Variants in CPNE3 observed in about 807,000 individuals in gnomAD.
CPNE3 encodes the protein copine 3.
In CPNE3, 68 loss-of-function variants were observed where a neutral mutation model predicts 63.9. The observed-to-expected ratio is 1.06, with a 90% CI of 0.87 to 1.30. CPNE3 has a LOEUF of 1.30. CPNE3 is among the 50% of genes most tolerant of loss of function. The pLI is 0.00. For synonymous variants in CPNE3, 219 were observed against 197.5 expected, an observed-to-expected ratio of 1.11 and a Z score of -0.91; for missense variants, 665 against 578.1, an observed-to-expected ratio of 1.15 and a Z score of -1.54.
intron 6 of CPNE3, among the ~76,000 whole-genome samples, chr8:86,533,351 T>C (rs1424503363): frequency 6.6e-6 from 1 of 152,082 alleles, no homozygotes; most frequent in Non-Finnish European, 1.5e-5. Context: ...GAGACCAGCC[T>C]GGGCAACATG....
Position 86,529,016 on chromosome 8 carries a change from C to A in CPNE3, c.204C>A (p.Tyr68Ter), listed in dbSNP as rs753484968. The A allele has an allele frequency of 6.2e-7, 1 of 1,613,536 alleles. No homozygotes were observed. The highest frequency in any genetic ancestry group is 8.5e-7 in the Non-Finnish European group (1 of 1,179,648). Residue 68 changes from tyrosine (Y) to a stop codon, truncating the protein, a stop_gained, in exon 4 of 17, where the codon TAC (tyrosine) becomes TAA (stop). Coordinates refer to ENST00000517490, the MANE Select transcript of CPNE3 (RefSeq NM_003909.5). LOFTEE classifies it high-confidence loss of function. ...CCAAGACATTTATTATTGATTACTA[C>A]TTTGAAGTGGTTCAGAAATTGAAAT... ...QFSKTFIIDYYFEVVQKLKFG... is the reference protein window; with the variant it reads ...QFSKTFIIDY
chr8:86,554,520 C>G (rs1265483620), intron 14 of CPNE3, among the ~76,000 whole-genome samples: 2 of 152,060 alleles, frequency 1.3e-5, no homozygotes, highest in Admixed American at 6.5e-5. Context: ...GATGTGAAAC[C>G]TTTTTCATGG....
chr8:86,547,730 TC>T lies in CPNE3; in HGVS notation c.841del (p.Asp282ThrfsTer3). 7.5e-7 allele frequency: 1 copy of T among 1,341,592 alleles called. No individual in the cohort carries two copies. Among genetic ancestry groups the T allele is most frequent in the Non-Finnish European group, 1.1e-6 (1 of 935,806 alleles). The allele number at this position is 1,341,592 out of a possible 1,614,324, so 83.1% of individuals were successfully genotyped here. A position where few individuals can be genotyped will look rare whatever the true frequency, so the allele number is the denominator to read the frequency against. On this transcript the variant is annotated frameshift_variant, in exon 11 of 17. Coordinates refer to ENST00000517490, the MANE Select transcript of CPNE3 (RefSeq NM_003909.5). LOFTEE classifies it high-confidence loss of function. ...TTTTAGATTACAGTAGAATGCACATTCCTTGACTATATAATGGGAGGATGTC... is the reference window on the plus strand; with the variant it reads ...TTTTAGATTACAGTAGAATGCACATTCTTGACTATATAATGGGAGGATGTC... ...KQCEITVECTFLDYIMGGCQL... is the reference protein window; with the variant it reads ...KQCEITVECTXLDYIMGGCQL...
intron 7 of CPNE3, among the ~76,000 whole-genome samples, chr8:86,539,660 G>GTTTTTTTTTTTTTTTTTTTTTTTT (rs369540210): frequency 1.8e-5 from 2 of 108,152 alleles, no homozygotes. Flanking sequence ...ATCCTCCGCA[G>GTTTTTTTTTTTTTTTTTTTTTTTT]TTTTTTTTTT....
chr8:86,551,439 C>T (rs997426), intron 14 of CPNE3: 15,668 of 532,712 alleles, frequency 0.029, 1,269 homozygotes, highest in African/African-American at 0.21. Context: ...ATGGTAATTA[C>T]GGGGCAAATC....
Position 86,560,673 on chromosome 8 carries a change from A to C in CPNE3, c.*2263A>C, listed in dbSNP as rs1467075482. The C allele has an allele frequency of 6.6e-6, 1 of 152,236 alleles. No individual in the cohort carries two copies. The highest frequency in any genetic ancestry group is 1.5e-5 in the Non-Finnish European group (1 of 68,038). 9.4% of individuals were successfully genotyped at this position (152,236 alleles called of 1,614,324 possible). A position where few individuals can be genotyped will look rare whatever the true frequency, so the allele number is the denominator to read the frequency against. On this transcript the variant is annotated 3_prime_UTR_variant, in exon 17 of 17. Transcript: ENST00000517490. ...TATTCATAAGAACTGTGATTCCAGCAAACTAGGGTAATTGGTGCCTTTTTA... is the reference window on the plus strand; with the variant it reads ...TATTCATAAGAACTGTGATTCCAGCCAACTAGGGTAATTGGTGCCTTTTTA...
At position 86,556,133 on chromosome 8, in the gene CPNE3, G is replaced by A; in HGVS notation, c.1286G>A (p.Gly429Asp). 1.1e-6 allele frequency: 1 copy of A among 872,970 alleles called. No homozygotes were observed. The highest frequency in any genetic ancestry group is 2.0e-6 in the Non-Finnish European group (1 of 501,670). The allele number at this position is 872,970 out of a possible 1,614,324, so 54.1% of individuals were successfully genotyped here. A position where few individuals can be genotyped will look rare whatever the true frequency, so the allele number is the denominator to read the frequency against. ...TTTGTGCTTTTGATTATTACTGATG[G>A]TGTGATCACAGACCTTGATGAAACC... ...QYFVLLIITD[G>D]VITDLDETRQ... The change falls in exon 16 of 17, where the codon GGT becomes GAT. Residue 429 changes from glycine to aspartate, a missense_variant. By Grantham distance (94) the Gly-to-Asp change is moderately conservative (BLOSUM62 -1). Coordinates refer to ENST00000517490, the MANE Select transcript of CPNE3 (RefSeq NM_003909.5).
At chr8:86,555,079 T>C in intron 15 of CPNE3, 95 bp downstream of exon 15, 2 of 1,525,124 alleles carry the variant, frequency 1.3e-6, no homozygotes, top group South Asian at 2.5e-5. Context: ...TAATACAAAG[T>C]CAGGGCAAGA....
rs1448312461 is a variant in CPNE3, at chr8:86,538,065, A to G, written c.543+419A>G. Among the ~76,000 whole-genome samples the G allele has an allele frequency of 2.0e-5, 3 of 152,060 alleles. 1 individual carries two copies. The highest frequency in any genetic ancestry group is 7.2e-5 in the African/African-American group (3 of 41,408). On this transcript the variant is annotated intron_variant, in intron 7 of 16. Coordinates refer to ENST00000517490, the MANE Select transcript of CPNE3 (RefSeq NM_003909.5). ...TCATCCTAATGGAGCTACAGATATA[A>G]TAACTCTTATCTTTAAATGCTACAG...
rs116795883 is a variant in CPNE3 at position 86,558,213 on chromosome 8, T to C, written c.1492-75T>C. 7.0e-4 allele frequency: 595 copies of C among 852,876 alleles called. 1 individual carries two copies. The African/African-American group carries it at 8.4e-3, about 12-fold the overall frequency. The allele number at this position is 852,876 out of a possible 1,614,324, so 52.8% of individuals were successfully genotyped here. On this transcript the variant is annotated intron_variant, in intron 16 of 16. Transcript: ENST00000517490. ...TGCTTCATTTTAGTGGCTGCTGAAG[T>C]ATCCCTAGTCTTTTATGAAAAAGCC...
At chr8:86,550,241 G>A (rs1405325104) in intron 12 of CPNE3, among the ~76,000 whole-genome samples, 1 of 152,008 alleles carries the variant, frequency 6.6e-6, no homozygotes, top group Non-Finnish European at 1.5e-5. Flanking sequence ...CTACAAACTG[G>A]GGAAAAATGT....
chr8:86,547,689 T>G, intron 10 of CPNE3, 22 bp from the exon 11 acceptor site: 1 of 1,014,740 alleles, frequency 9.9e-7, no homozygotes, highest in Non-Finnish European at 1.6e-6. Flanking sequence ...AGTTGTAATT[T>G]TAAGTTTTCT....
Position 86,532,583 on chromosome 8 carries a change from G to A in CPNE3, c.459+3G>A, listed in dbSNP as rs1486217315. 6.2e-7 allele frequency: 1 copy of A among 1,608,738 alleles called. No homozygotes were observed. Among genetic ancestry groups the A allele is most frequent in the African/African-American group, 1.3e-5 (1 of 74,622 alleles). On this transcript the variant is annotated splice_donor_region_variant and intron_variant, in intron 6 of 16. Coordinates refer to ENST00000517490, the MANE Select transcript of CPNE3 (RefSeq NM_003909.5). ...AAGCCAGAAAACTGGATAATAAGGT[G>A]GGTAGACTATGCAGATTTCAAAAAG...
At chr8:86,515,758 T>A (rs892695723) in intron 2 of CPNE3, among the ~76,000 whole-genome samples, 2 of 152,192 alleles carry the variant, frequency 1.3e-5, no homozygotes, top group Non-Finnish European at 2.9e-5. Flanking sequence ...GTAAAACATT[T>A]AGCAAAGTGC....
intron 8 of CPNE3, 30 bp from the exon 9 acceptor site, chr8:86,544,710 T>C (rs774762897): frequency 5.4e-6 from 6 of 1,121,312 alleles, no homozygotes; most frequent in Non-Finnish European, 7.2e-6. Flanking sequence ...TATATTGATT[T>C]TTATATATTT....
At chr8:86,545,473 C>G (rs960883647) in intron 9 of CPNE3, 5 of 152,130 alleles carry the variant, frequency 3.3e-5, no homozygotes, top group Admixed American at 6.5e-5. Context: ...AGCCCTTTTT[C>G]AATGAGAATT....
chr8:86,546,795 T>A (rs927128138), intron 10 of CPNE3, 114 bp downstream of exon 10: 11 of 1,113,090 alleles, frequency 9.9e-6, no homozygotes, highest in Admixed American at 3.0e-5. Flanking sequence ...CACTGCAACC[T>A]CTGCCTCCTG....
intron 6 of CPNE3, among the ~76,000 whole-genome samples, chr8:86,534,826 C>A (rs963778122): frequency 1.3e-5 from 2 of 152,132 alleles, no homozygotes; most frequent in Admixed American, 6.5e-5. Flanking sequence ...ACTTTTCCCC[C>A]ATATTTACCA....
chr8:86,555,881 C>G lies in CPNE3; in HGVS notation c.1255-221C>G, dbSNP rs191063483. 3.9e-5 allele frequency among the ~76,000 whole-genome samples: 6 copies of G among 152,310 alleles called. No homozygotes were observed. The East Asian group carries it at 1.2e-3, about 29-fold the overall frequency. On this transcript the variant is annotated intron_variant, in intron 15 of 16. Coordinates refer to ENST00000517490, the MANE Select transcript of CPNE3 (RefSeq NM_003909.5). ...AGATGTCCTGCTTCCATATATTTTG[C>G]CAACCCTATTTTGTGGTCTGCTGCG... is the stretch of plus-strand genomic sequence containing the variant.
Sources: allele counts gnomAD v4.1 joint callset (sites outside exome capture counted in the v4.1 genomes callset), GRCh38; gene constraint gnomAD v4.1.1; transcripts MANE v1.5; gene names NCBI Gene and HGNC (gene_info 2026-07-23, HGNC 2026-07-21).